TF: variants seen among roughly 807,000 people sequenced by gnomAD.
TF encodes the protein serotransferrin.
In TF, 55 loss-of-function variants were observed where a neutral mutation model predicts 82.4. That is an observed-to-expected ratio of 0.67 (90% confidence interval 0.54 to 0.84). TF has a LOEUF of 0.84. TF is among the 40% of genes least tolerant of loss of function. TF has a pLI of 0.00. For missense variants in TF, 737 were observed against 868.4 expected, an observed-to-expected ratio of 0.85 and a Z score of 1.90; for synonymous variants, 332 against 332.6, an observed-to-expected ratio of 1.00 and a Z score of 0.02.
At chr3:133,714,460 T>C in the TF span, among the ~76,000 whole-genome samples, 1 of 151,728 alleles carries the variant, frequency 6.6e-6, no homozygotes, top group Non-Finnish European at 1.5e-5. Context: ...AAATTACATA[T>C]TTTCACAGAT....
chr3:133,747,557 T>G (rs1933538526), intron 1 of TF, among the ~76,000 whole-genome samples: 1 of 152,196 alleles, frequency 6.6e-6, no homozygotes, highest in Non-Finnish European at 1.5e-5. Flanking sequence ...CAGAGGGCCT[T>G]GGGGACAGGG....
the TF span, among the ~76,000 whole-genome samples, chr3:133,723,573 A>G: frequency 1.4e-5 from 2 of 147,602 alleles, no homozygotes; most frequent in Non-Finnish European, 3.0e-5. Flanking sequence ...TTGATGAAGC[A>G]CTTAATTGTA....
At chr3:133,727,093 A>G in the TF span, among the ~76,000 whole-genome samples, 1 of 152,068 alleles carries the variant, frequency 6.6e-6, no homozygotes, top group Non-Finnish European at 1.5e-5. Context: ...TCAATTTTGG[A>G]ATAGGTGTGG....
At chr3:133,714,447 C>A in the TF span, among the ~76,000 whole-genome samples, 1 of 151,496 alleles carries the variant, frequency 6.6e-6, no homozygotes, top group African/African-American at 2.4e-5. Context: ...ATAAGCCATG[C>A]ATAAATTACA....
At chr3:133,731,981 C>G in the TF span, among the ~76,000 whole-genome samples, 1 of 152,286 alleles carries the variant, frequency 6.6e-6, no homozygotes, top group East Asian at 1.9e-4. Flanking sequence ...TAGGATCTGT[C>G]TGCTCTGTTC....
chr3:133,749,407 T>C (rs771498895), intron 2 of TF, among the ~76,000 whole-genome samples: 61 of 152,220 alleles, frequency 4.0e-4, no homozygotes, highest in Non-Finnish European at 1.3e-4. Context: ...CAGTGGTGAA[T>C]TAAACACATT....
rs1934693059 is a variant in TF at position 133,786,582 on chromosome 3, T to C, written c.*7962T>C. 6.6e-6 allele frequency: 1 copy of C among 152,248 alleles called. No homozygotes were observed. Among genetic ancestry groups the C allele is most frequent in the Non-Finnish European group, 1.5e-5 (1 of 68,042 alleles). 9.4% of individuals were successfully genotyped at this position (152,248 alleles called of 1,614,324 possible). On this transcript the variant is annotated 3_prime_UTR_variant, in exon 17 of 17. Transcript: ENST00000402696. Reference sequence around the variant, plus strand: ...TGAGTCCTGACTTTACATCTAGTCTTTCTAGATGTTAAAGAGGTTGCTAGT... The same window carrying C: ...TGAGTCCTGACTTTACATCTAGTCTCTCTAGATGTTAAAGAGGTTGCTAGT...
the TF span, among the ~76,000 whole-genome samples, chr3:133,713,102 G>C: frequency 6.6e-6 from 1 of 152,168 alleles, no homozygotes; most frequent in South Asian, 2.1e-4. Flanking sequence ...GTGTGACTGT[G>C]GACAAGTCAA....
chr3:133,719,213 T>G, the TF span, among the ~76,000 whole-genome samples: 1 of 152,182 alleles, frequency 6.6e-6, no homozygotes, highest in African/African-American at 2.4e-5. Context: ...AAATCACCTT[T>G]CATGCTGATT....
chr3:133,733,828 C>T, the TF span, among the ~76,000 whole-genome samples: 1 of 151,676 alleles, frequency 6.6e-6, no homozygotes, highest in Non-Finnish European at 1.5e-5. Flanking sequence ...CATTTCCCTG[C>T]CTTTCTCTTG....
chr3:133,759,410 CT>C, intron 9 of TF, 81 bp downstream of exon 9: 5 of 1,575,130 alleles, frequency 3.2e-6, no homozygotes, highest in Non-Finnish European at 4.3e-6. Flanking sequence ...GGGAGTGTTC[CT>C]GGGAATGATG....
intron 1 of TF, among the ~76,000 whole-genome samples, chr3:133,747,529 C>T (rs1016318833): frequency 6.6e-6 from 1 of 152,290 alleles, no homozygotes; most frequent in Admixed American, 6.5e-5. Context: ...TGTGGTGGCC[C>T]ACAAGGAGTG....
the TF span, among the ~76,000 whole-genome samples, chr3:133,739,851 G>T: frequency 2.8e-4 from 42 of 152,252 alleles, 2 homozygotes; most frequent in African/African-American, 9.6e-4. Flanking sequence ...TGGAGAGGAT[G>T]TGGAGAAATA....
the TF span, chr3:133,699,328 A>G: frequency 4.2e-6 from 2 of 478,674 alleles, no homozygotes; most frequent in South Asian, 3.6e-5. Flanking sequence ...TTGGAAAAAA[A>G]TTCTCCCTCA....
chr3:133,738,753 C>A, the TF span, among the ~76,000 whole-genome samples: 3 of 152,170 alleles, frequency 2.0e-5, no homozygotes, highest in African/African-American at 7.2e-5. Flanking sequence ...ATACAACTTA[C>A]AAGGGATGTG....
chr3:133,730,761 A>C, the TF span, among the ~76,000 whole-genome samples: 1 of 152,104 alleles, frequency 6.6e-6, no homozygotes, highest in Non-Finnish European at 1.5e-5. Flanking sequence ...GCATACACAC[A>C]CATGTTTACA....
the TF span, among the ~76,000 whole-genome samples, chr3:133,676,549 G>C: frequency 6.6e-6 from 1 of 152,182 alleles, no homozygotes; most frequent in African/African-American, 2.4e-5. Context: ...TTCTGGGGTA[G>C]GGTATCTTAT....
the TF span, among the ~76,000 whole-genome samples, chr3:133,695,632 T>G: frequency 3.3e-5 from 5 of 152,178 alleles, no homozygotes; most frequent in Non-Finnish European, 7.3e-5. Context: ...TAGAGATGGG[T>G]GAAGCTCATT....
intron 14 of TF, chr3:133,770,882 A>G: frequency 2.3e-6 from 1 of 443,726 alleles, no homozygotes; most frequent in Non-Finnish European, 4.1e-6. Context: ...GCATACCCAC[A>G]GTATGATTAC....
Sources: allele counts gnomAD v4.1 joint callset (sites outside exome capture counted in the v4.1 genomes callset), GRCh38; gene constraint gnomAD v4.1.1; transcripts MANE v1.5; gene names NCBI Gene and HGNC (gene_info 2026-07-23, HGNC 2026-07-21).